Variants in SOX5 observed in about 807,000 individuals in gnomAD.
The protein encoded by SOX5 is transcription factor SOX-5.
A neutral mutation model predicts 92.0 loss-of-function variants in SOX5; 9 were observed. That is an observed-to-expected ratio of 0.10 (90% CI 0.06 to 0.17). The LOEUF is 0.17. SOX5 is among the 10% of genes least tolerant of loss of function. SOX5 has a pLI of 1.00. For missense variants in SOX5, 642 were observed against 944.5 expected (o/e 0.68, Z 4.20); for synonymous variants, 344 against 336.3 (o/e 1.02, Z -0.25).
intron 3 of SOX5, among the ~76,000 whole-genome samples, chr12:24,249,247 T>C (rs533362286): frequency 4.6e-5 from 7 of 152,348 alleles, no homozygotes; most frequent in African/African-American, 1.4e-4. Flanking sequence ...CCTCCTAACC[T>C]AACTCCTTTC....
chr12:23,586,479 G>A (rs1272680876), intron 9 of SOX5, among the ~76,000 whole-genome samples: 3 of 151,708 alleles, frequency 2.0e-5, no homozygotes, highest in South Asian at 4.2e-4. Context: ...AGAGTTTTAC[G>A]GGGAAAAAAA....
At chr12:24,483,006 C>A (rs1459717994) in intron 1 of SOX5, among the ~76,000 whole-genome samples, 3 of 152,116 alleles carry the variant, frequency 2.0e-5, no homozygotes, top group African/African-American at 7.2e-5. Context: ...CCTGCAATCA[C>A]TACCCCAGTG....
chr12:24,447,173 A>G (rs929225341), intron 1 of SOX5, among the ~76,000 whole-genome samples: 1 of 152,208 alleles, frequency 6.6e-6, no homozygotes, highest in African/African-American at 2.4e-5. Context: ...GAGAACAAAC[A>G]GTATGGAAAG....
At chr12:24,159,397 T>C (rs1466257946) in intron 4 of SOX5, among the ~76,000 whole-genome samples, 1 of 152,036 alleles carries the variant, frequency 6.6e-6, no homozygotes. Context: ...ATTTGAATCT[T>C]AAGAAAAATA....
At chr12:24,405,604 T>A (rs1962758149) in intron 1 of SOX5, among the ~76,000 whole-genome samples, 1 of 152,156 alleles carries the variant, frequency 6.6e-6, no homozygotes, top group Non-Finnish European at 1.5e-5. Flanking sequence ...TGTGTGTACA[T>A]CAGTGGATCC....
At chr12:24,443,365 C>T (rs147736148) in intron 1 of SOX5, among the ~76,000 whole-genome samples, 1 of 152,318 alleles carries the variant, frequency 6.6e-6, no homozygotes, top group Non-Finnish European at 1.5e-5. Context: ...TTTCAATAAA[C>T]ACCTGAAGAT....
At chr12:24,493,587 G>A (rs889698561) in intron 1 of SOX5, among the ~76,000 whole-genome samples, 10 of 152,110 alleles carry the variant, frequency 6.6e-5, no homozygotes, top group South Asian at 2.1e-4. Flanking sequence ...TGTTTTGGCC[G>A]GGTGCGGTGG....
rs572241589 is a variant in SOX5 at position 24,108,076 on chromosome 12, A to G, written c.-2+105267T>C. 7.2e-5 allele frequency among the ~76,000 whole-genome samples: 11 copies of G among 152,328 alleles called. No homozygotes were observed. In the East Asian group the frequency reaches 2.1e-3, roughly 29 times the overall value. ...TAATGAAAAGGCAGAATAGGACAAC[A>G]TATTTGTGAAGGGGAAGTCTTTTAA... On this transcript the variant is annotated intron_variant, in intron 4 of 4. Transcript: ENST00000446891.
chr12:24,413,665 G>C (rs1156905762), intron 1 of SOX5, among the ~76,000 whole-genome samples: 4 of 152,186 alleles, frequency 2.6e-5, no homozygotes, highest in Admixed American at 2.0e-4. Flanking sequence ...CAGGACACTA[G>C]GGTTTCAACT....
intron 1 of SOX5, among the ~76,000 whole-genome samples, chr12:24,469,585 A>G (rs1031554263): frequency 6.6e-5 from 10 of 152,186 alleles, no homozygotes; most frequent in African/African-American, 2.4e-4. Context: ...ACTTTCTATG[A>G]CGCCCCAGGC....
At chr12:23,790,617 C>T (rs548197410) in intron 3 of SOX5, among the ~76,000 whole-genome samples, 1 of 150,364 alleles carries the variant, frequency 6.7e-6, no homozygotes, top group Admixed American at 6.6e-5. Flanking sequence ...TCAATTGATA[C>T]ATTTTCCACT....
Position 24,053,405 on chromosome 12 carries a change from T to C in SOX5, c.-1-157381A>G, listed in dbSNP as rs185248096. Among the ~76,000 whole-genome samples, 23 of 152,222 alleles carry C rather than the reference T, an allele frequency of 1.5e-4. No homozygotes were observed. In the East Asian group the frequency reaches 4.4e-3, roughly 29 times the overall value. On this transcript the variant is annotated intron_variant, in intron 4 of 4. Coordinates refer to the SOX5 transcript ENST00000446891. ...TCGGGCTCCCAAAGTGCTGTGATTA[T>C]AGGCATGAGCTACCGCGCCTGGCCC...
chr12:23,732,385 T>C (rs1242756335), intron 6 of SOX5, among the ~76,000 whole-genome samples: 1 of 152,198 alleles, frequency 6.6e-6, no homozygotes, highest in Non-Finnish European at 1.5e-5. Flanking sequence ...CTTTCATAAC[T>C]ATTAAGTGTT....
chr12:23,759,810 A>G (rs2094514824), intron 3 of SOX5, among the ~76,000 whole-genome samples: 1 of 152,134 alleles, frequency 6.6e-6, no homozygotes, highest in Non-Finnish European at 1.5e-5. Context: ...GTAATTATCT[A>G]TTAAATATTT....
upstream of SOX5, among the ~76,000 whole-genome samples, chr12:23,951,915 G>GA (rs1189986472): frequency 6.6e-6 from 1 of 152,002 alleles, no homozygotes; most frequent in African/African-American, 2.4e-5. Context: ...ACAGAAAAAT[G>GA]AAAAAATTGT....
At chr12:23,890,055 C>T (rs1429137042) in intron 2 of SOX5, among the ~76,000 whole-genome samples, 3 of 152,100 alleles carry the variant, frequency 2.0e-5, no homozygotes, top group Non-Finnish European at 2.9e-5. Flanking sequence ...CATGGTGGCT[C>T]ACGCCTGTAA....
chr12:23,901,731 T>C (rs981775180), intron 1 of SOX5, among the ~76,000 whole-genome samples: 5 of 152,210 alleles, frequency 3.3e-5, no homozygotes, highest in Non-Finnish European at 1.5e-5. Flanking sequence ...TATATTTTTG[T>C]TCACAGCTAC....
At chr12:23,925,061 C>G (rs1939565977) in intron 1 of SOX5, among the ~76,000 whole-genome samples, 1 of 151,978 alleles carries the variant, frequency 6.6e-6, no homozygotes, top group African/African-American at 2.4e-5. Context: ...GTTCATGTAT[C>G]ATGCCAACAA....
intron 8 of SOX5, among the ~76,000 whole-genome samples, chr12:23,610,897 G>A (rs960884209): frequency 6.6e-6 from 1 of 152,056 alleles, no homozygotes; most frequent in African/African-American, 2.4e-5. Context: ...AAAGGCAACA[G>A]AACCAAGAGT....
Sources: allele counts gnomAD v4.1 joint callset (sites outside exome capture counted in the v4.1 genomes callset), GRCh38; gene constraint gnomAD v4.1.1; transcripts MANE v1.5; gene names NCBI Gene and HGNC (gene_info 2026-07-23, HGNC 2026-07-21).